GMEB1: variants seen among roughly 807,000 people sequenced by gnomAD.
The protein encoded by GMEB1 is glucocorticoid modulatory element binding protein 1, also known as glucocorticoid modulatory element-binding protein 1.
A neutral mutation model predicts 52.4 loss-of-function variants in GMEB1; 6 were observed. That is an observed-to-expected ratio of 0.11 (90% confidence interval 0.06 to 0.23). The LOEUF (loss-of-function observed/expected upper bound fraction) is 0.23, where lower values mean the gene tolerates loss of function less well. Among genes scored for constraint, GMEB1 ranks in the 10% least tolerant of loss-of-function variants. GMEB1 has a pLI of 1.00. For missense variants in GMEB1, 486 were observed against 685.6 expected (o/e 0.71, Z 3.25); for synonymous variants, 255 against 244.9 (o/e 1.04, Z -0.38).
intron 7 of GMEB1, 43 bp downstream of exon 7, chr1:28,702,612 G>T (rs531256545): frequency 6.3e-7 from 1 of 1,579,192 alleles, no homozygotes; most frequent in Non-Finnish European, 8.7e-7. Context: ...GGTCTTGTGA[G>T]CCTTATCACC....
chr1:28,707,943 G>A (rs1423887191), intron 8 of GMEB1, among the ~76,000 whole-genome samples: 1 of 151,442 alleles, frequency 6.6e-6, no homozygotes, highest in African/African-American at 2.4e-5. Flanking sequence ...CTGTCATCCA[G>A]GCTAGAGTGC....
intron 1 of GMEB1, among the ~76,000 whole-genome samples, chr1:28,669,434 C>T (rs1668777675): frequency 6.6e-6 from 1 of 151,990 alleles, no homozygotes; most frequent in African/African-American, 2.4e-5. Flanking sequence ...GGAGCCTTGG[C>T]GGGAGAGCAA....
At chr1:28,700,468 C>T (rs867103442) in intron 6 of GMEB1, among the ~76,000 whole-genome samples, 5 of 147,170 alleles carry the variant, frequency 3.4e-5, no homozygotes, top group Admixed American at 1.4e-4. Context: ...TAGCCGAGAT[C>T]GCGCCACTGC....
chr1:28,687,865 C>G (rs1194302186), intron 2 of GMEB1, among the ~76,000 whole-genome samples: 2 of 151,506 alleles, frequency 1.3e-5, no homozygotes, highest in Non-Finnish European at 2.9e-5. Context: ...CTACAGTGTG[C>G]TGAGTGGTGC....
intron 1 of GMEB1, among the ~76,000 whole-genome samples, chr1:28,673,040 C>T (rs1212767528): frequency 6.6e-6 from 1 of 152,022 alleles, no homozygotes; most frequent in Non-Finnish European, 1.5e-5. Context: ...GGATTACAGG[C>T]ATGTGCCACT....
chr1:28,693,502 C>T (rs147672455), intron 5 of GMEB1, among the ~76,000 whole-genome samples: 1 of 151,872 alleles, frequency 6.6e-6, no homozygotes, highest in Admixed American at 6.6e-5. Flanking sequence ...CAGGCATGAA[C>T]CACCACGCCC....
At chr1:28,695,236 G>A (rs1670146019) in intron 5 of GMEB1, among the ~76,000 whole-genome samples, 1 of 151,852 alleles carries the variant, frequency 6.6e-6, no homozygotes, top group African/African-American at 2.4e-5. Flanking sequence ...AAAGTGCTGG[G>A]ATTACAGGCG....
chr1:28,709,168 A>G (rs1441138890), intron 8 of GMEB1, among the ~76,000 whole-genome samples: 6 of 151,180 alleles, frequency 4.0e-5, no homozygotes, highest in Admixed American at 2.0e-4. Flanking sequence ...TTAGCCAGGC[A>G]TGGTGGCGTG....
chr1:28,668,908 C>T (rs2124427828), intron 1 of GMEB1, 69 bp downstream of exon 1: 1 of 143,556 alleles, frequency 7.0e-6, no homozygotes, highest in South Asian at 2.2e-4. Flanking sequence ...GCGCGGGGGC[C>T]GCGCGGCGGC....
intron 2 of GMEB1, among the ~76,000 whole-genome samples, chr1:28,684,585 C>G (rs1436285289): frequency 6.6e-6 from 1 of 151,206 alleles, no homozygotes; most frequent in Non-Finnish European, 1.5e-5. Context: ...AAAAAAATTC[C>G]AGGCCTACAT....
intron 1 of GMEB1, among the ~76,000 whole-genome samples, chr1:28,675,679 C>CAA (rs11316891): frequency 9.8e-4 from 98 of 100,128 alleles, no homozygotes; most frequent in African/African-American, 1.7e-3. Flanking sequence ...GACTCTGTCT[C>CAA]AAAAAAAAAA....
At position 28,695,938 on chromosome 1, in the gene GMEB1, C is replaced by CAAA. The variant is rs58978972; in HGVS notation, c.441-955_441-953dup. Among the ~76,000 whole-genome samples the CAAA allele has an allele frequency of 6.2e-3, 254 of 41,058 alleles. 38 individuals carry two copies. Among genetic ancestry groups the CAAA allele is most frequent in the Middle Eastern group, 0.038 (1 of 26 alleles). The allele number at this position is 41,058 out of a possible 152,430, so 26.9% of individuals were successfully genotyped here. Reference sequence around the variant, plus strand: ...TGGGCGACAGAGCGAGACTCCGTCTCAAAAAAAAAAAAAAAAAAAAAAAAA... The same window carrying CAAA: ...TGGGCGACAGAGCGAGACTCCGTCTCAAAAAAAAAAAAAAAAAAAAAAAAAAAA... On this transcript the variant is annotated intron_variant, in intron 5 of 9. Coordinates refer to ENST00000373816, the MANE Select transcript of GMEB1 (RefSeq NM_001319674.2).
rs371918037 is a variant in GMEB1, at chr1:28,704,384, G to A, written c.868+55G>A. The A allele has an allele frequency of 8.8e-6, 13 of 1,485,644 alleles. No individual in the cohort carries two copies. The East Asian group carries it at 1.7e-4, about 19-fold the overall frequency. The allele number at this position is 1,485,644 out of a possible 1,614,324, so 92.0% of individuals were successfully genotyped here. A position where few individuals can be genotyped will look rare whatever the true frequency, so the allele number is the denominator to read the frequency against. The stretch of plus-strand genomic sequence containing the variant: ...GATTTATTGAATACTCACCTCCGTA[G>A]GCAGGTCCTGTAAGCCTTGCAAAAA... On this transcript the variant is annotated intron_variant, in intron 8 of 9. Coordinates refer to ENST00000373816, the MANE Select transcript of GMEB1 (RefSeq NM_001319674.2).
At chr1:28,696,838 A>G (rs904915804) in intron 5 of GMEB1, 89 bp from the exon 6 acceptor site, 32 of 981,170 alleles carry the variant, frequency 3.3e-5, no homozygotes, top group Non-Finnish European at 4.4e-5. Flanking sequence ...CAGTAGGCTC[A>G]GCAGTGTTGT....
intron 1 of GMEB1, among the ~76,000 whole-genome samples, chr1:28,675,371 T>A (rs1444352455): frequency 8.6e-5 from 13 of 151,634 alleles, no homozygotes; most frequent in Non-Finnish European, 1.9e-4. Flanking sequence ...TTCTTTTACA[T>A]GTGTTCACAT....
intron 8 of GMEB1, among the ~76,000 whole-genome samples, chr1:28,706,520 C>T (rs1221800496): frequency 6.6e-6 from 1 of 151,224 alleles, no homozygotes; most frequent in Non-Finnish European, 1.5e-5. Context: ...GGGAGAATCG[C>T]TTGAACCCGG....
At chr1:28,675,406 G>T (rs1669103932) in intron 1 of GMEB1, among the ~76,000 whole-genome samples, 1 of 151,780 alleles carries the variant, frequency 6.6e-6, no homozygotes, top group African/African-American at 2.4e-5. Flanking sequence ...AGATCGGCCG[G>T]GGTGGCTCAC....
intron 1 of GMEB1, among the ~76,000 whole-genome samples, chr1:28,677,769 G>C (rs919524956): frequency 3.9e-5 from 6 of 152,070 alleles, no homozygotes; most frequent in Non-Finnish European, 8.8e-5. Context: ...TTCTAGACTC[G>C]AGGGTCTTAA....
intron 2 of GMEB1, among the ~76,000 whole-genome samples, chr1:28,684,435 C>A (rs778487423): frequency 6.6e-6 from 1 of 151,836 alleles, no homozygotes; most frequent in East Asian, 1.9e-4. Context: ...TGGTAGCAGG[C>A]GCCTGTAGTC....
Sources: gnomAD v4.1 joint callset for allele counts (sites outside exome capture counted in the v4.1 genomes callset) on GRCh38, gnomAD v4.1.1 for gene constraint, MANE v1.5 for transcripts, NCBI Gene and HGNC (gene_info 2026-07-23, HGNC 2026-07-21) for gene names.